Variants in DTNBP1 observed in about 807,000 individuals in gnomAD.
DTNBP1 encodes dysbindin.
A neutral mutation model predicts 42.8 loss-of-function variants in DTNBP1; 35 were observed. That is an observed-to-expected ratio of 0.82 (90% confidence interval 0.63 to 1.09). DTNBP1 has a LOEUF of 1.09. DTNBP1 is among the 50% of genes least tolerant of loss of function. The pLI is 0.00. For missense variants in DTNBP1, 457 were observed against 424.2 expected, an observed-to-expected ratio of 1.08 and a Z score of -0.68; for synonymous variants, 171 against 162.2, an observed-to-expected ratio of 1.05 and a Z score of -0.41.
At chr6:15,647,301 T>C (rs1412544354) in intron 3 of DTNBP1, among the ~76,000 whole-genome samples, 1 of 151,680 alleles carries the variant, frequency 6.6e-6, no homozygotes, top group East Asian at 1.9e-4. Context: ...ATGAGATACA[T>C]ACAATCTCAT....
intron 8 of DTNBP1, among the ~76,000 whole-genome samples, chr6:15,526,064 A>G (rs1464110644): frequency 6.6e-6 from 1 of 152,142 alleles, no homozygotes; most frequent in Non-Finnish European, 1.5e-5. Context: ...ATGAACAACA[A>G]TAATAAAAGC....
intron 4 of DTNBP1, among the ~76,000 whole-genome samples, chr6:15,632,360 A>C (rs1376099719): frequency 1.3e-5 from 2 of 152,234 alleles, no homozygotes; most frequent in Admixed American, 1.3e-4. Context: ...CAAAAAATGT[A>C]TAGTTTTCCT....
intron 7 of DTNBP1, among the ~76,000 whole-genome samples, chr6:15,545,543 C>T (rs1440132054): frequency 6.6e-6 from 1 of 152,102 alleles, no homozygotes; most frequent in Non-Finnish European, 1.5e-5. Context: ...CTTTTACATG[C>T]AACTAAAAAA....
At chr6:15,523,316 G>GGGTGT in intron 9 of DTNBP1, 97 bp from the exon 10 acceptor site, 1 of 1,539,040 alleles carries the variant, frequency 6.5e-7, no homozygotes, top group Non-Finnish European at 8.9e-7. Context: ...CATGAAAGGG[G>GGGTGT]GGTGTGGTTT....
chr6:15,638,348 G>C (rs560553849), intron 3 of DTNBP1, among the ~76,000 whole-genome samples: 21 of 152,054 alleles, frequency 1.4e-4, no homozygotes, highest in Non-Finnish European at 2.4e-4. Flanking sequence ...GGCTGGTCTC[G>C]AACTCCTGAT....
chr6:15,584,426 G>A (rs1775970547), intron 7 of DTNBP1, among the ~76,000 whole-genome samples: 1 of 151,964 alleles, frequency 6.6e-6, no homozygotes, highest in African/African-American at 2.4e-5. Flanking sequence ...TCACTGATAA[G>A]TTTTTTCCTG....
chr6:15,638,343 G>C (rs1267833273), intron 3 of DTNBP1, among the ~76,000 whole-genome samples: 1 of 151,972 alleles, frequency 6.6e-6, no homozygotes, highest in African/African-American at 2.4e-5. Flanking sequence ...GGCCAGGCTG[G>C]TCTCGAACTC....
intron 1 of DTNBP1, among the ~76,000 whole-genome samples, chr6:15,656,039 T>C (rs1016594815): frequency 1.2e-4 from 19 of 152,332 alleles, no homozygotes; most frequent in African/African-American, 4.3e-4. Flanking sequence ...CCATAAAGAT[T>C]TGCCATGAGA....
intron 1 of DTNBP1, chr6:15,660,337 T>C (rs1330284614): frequency 7.8e-6 from 10 of 1,289,024 alleles, no homozygotes; most frequent in Non-Finnish European, 1.0e-5. Flanking sequence ...TCAAGCTGAA[T>C]ATGGAAAAGT....
At chr6:15,622,262 A>C (rs1236107996) in intron 5 of DTNBP1, among the ~76,000 whole-genome samples, 3 of 152,214 alleles carry the variant, frequency 2.0e-5, no homozygotes, top group African/African-American at 7.2e-5. Flanking sequence ...TAGTATATTA[A>C]ACCAGGTCAC....
intron 7 of DTNBP1, among the ~76,000 whole-genome samples, chr6:15,534,081 C>T (rs541687039): frequency 3.3e-5 from 5 of 152,202 alleles, no homozygotes; most frequent in South Asian, 2.1e-4. Context: ...CAGCCAGTCG[C>T]GAAAAGGCAA....
At chr6:15,533,584 C>G in intron 7 of DTNBP1, 189 bp from the exon 8 acceptor site, 1 of 974,458 alleles carries the variant, frequency 1.0e-6, no homozygotes, top group Non-Finnish European at 1.6e-6. Context: ...CTCCCCCTAC[C>G]TGGGCGGTCA....
chr6:15,618,441 G>C (rs942066637), intron 5 of DTNBP1, among the ~76,000 whole-genome samples: 4 of 151,710 alleles, frequency 2.6e-5, no homozygotes, highest in African/African-American at 9.7e-5. Flanking sequence ...TCACTGTTTG[G>C]GTATTGGGTA....
chr6:15,612,041 C>T (rs1390741843), intron 6 of DTNBP1, among the ~76,000 whole-genome samples: 1 of 152,160 alleles, frequency 6.6e-6, no homozygotes, highest in Non-Finnish European at 1.5e-5. Context: ...CAAACAGCAA[C>T]GCATGCTGCA....
At chr6:15,640,473 T>C (rs1760280722) in intron 3 of DTNBP1, among the ~76,000 whole-genome samples, 1 of 152,238 alleles carries the variant, frequency 6.6e-6, no homozygotes, top group South Asian at 2.1e-4. Flanking sequence ...TTATTGAATA[T>C]ATTCTATGTA....
At position 15,523,156 on chromosome 6, in the gene DTNBP1, CTTA is replaced by C; in HGVS notation, c.872_874del (p.Leu291_Arg292delinsTer). The C allele has an allele frequency of 6.2e-7, 1 of 1,614,208 alleles. No homozygotes were observed. The highest frequency in any genetic ancestry group is 1.3e-5 in the African/African-American group (1 of 75,060). ...GGAGGAAGAAGAAGGTGGCTTGGCT[CTTA>C]ATTCTGAGGGATTTGGAACCTGGAG... On this transcript the variant is annotated stop_gained and inframe_deletion, in exon 10 of 10. Transcript: ENST00000344537. LOFTEE classifies it low-confidence loss of function (END_TRUNC).
At chr6:15,559,172 G>A (rs919280215) in intron 7 of DTNBP1, among the ~76,000 whole-genome samples, 1 of 152,240 alleles carries the variant, frequency 6.6e-6, no homozygotes, top group Non-Finnish European at 1.5e-5. Context: ...CCTTGAAGAT[G>A]AGGAGCACGG....
chr6:15,601,277 T>G (rs888805602), intron 6 of DTNBP1, among the ~76,000 whole-genome samples: 3 of 152,230 alleles, frequency 2.0e-5, no homozygotes, highest in African/African-American at 7.2e-5. Flanking sequence ...ATGCAATCTT[T>G]CTTTTTCGAC....
chr6:15,650,728 T>C (rs575907228), intron 3 of DTNBP1, among the ~76,000 whole-genome samples: 1 of 152,326 alleles, frequency 6.6e-6, no homozygotes, highest in East Asian at 1.9e-4. Context: ...TTTTTATTGT[T>C]AAGTTTTAAA....
Sources: allele counts gnomAD v4.1 joint callset (sites outside exome capture counted in the v4.1 genomes callset), GRCh38; gene constraint gnomAD v4.1.1; transcripts MANE v1.5; gene names NCBI Gene and HGNC (gene_info 2026-07-23, HGNC 2026-07-21).